FNDC9: variants seen among roughly 807,000 people sequenced by gnomAD.
The protein encoded by FNDC9 is fibronectin type III domain-containing protein 9.
Under a neutral mutation model 9.0 loss-of-function variants are expected in FNDC9, and 3 were observed. The observed-to-expected ratio is 0.33, with a 90% CI of 0.15 to 0.86. FNDC9 has a LOEUF of 0.86. FNDC9 is among the 40% of genes least tolerant of loss of function. FNDC9 has a pLI of 0.53. For synonymous variants in FNDC9, 114 were observed against 115.6 expected (o/e 0.99, Z 0.09); for missense variants, 279 against 287.2 (o/e 0.97, Z 0.21).
chr5:157,344,712 C>G (rs554202881), intron 1 of FNDC9, among the ~76,000 whole-genome samples: 1 of 152,210 alleles, frequency 6.6e-6, no homozygotes, highest in Non-Finnish European at 1.5e-5. Flanking sequence ...CTTTGTCTTC[C>G]GCCTCTCCTC....
Position 157,343,597 on chromosome 5 carries a change from A to T in FNDC9, c.-7-54T>A, listed in dbSNP as rs1762461240. Reference sequence around the variant, plus strand: ...CATCCCCTGATTTAAGTATGTATTTATCATAATCATAGCCACCATTTATTG... The same window carrying T: ...CATCCCCTGATTTAAGTATGTATTTTTCATAATCATAGCCACCATTTATTG... On this transcript the variant is annotated intron_variant, in intron 1 of 1. Transcript: ENST00000312349. The T allele has an allele frequency of 4.5e-6, 6 of 1,346,378 alleles. No individual in the cohort carries two copies. In the South Asian group the frequency reaches 8.7e-5, roughly 20 times the overall value. 83.4% of individuals were successfully genotyped at this position (1,346,378 alleles called of 1,614,324 possible).
intron 1 of FNDC9, among the ~76,000 whole-genome samples, chr5:157,344,465 G>A (rs776476974): frequency 3.3e-5 from 5 of 152,172 alleles, no homozygotes; most frequent in Non-Finnish European, 7.3e-5. Flanking sequence ...CAAGGCTGCC[G>A]GGTTTAGTTA....
chr5:157,344,486 C>T (rs1264968300), intron 1 of FNDC9, among the ~76,000 whole-genome samples: 1 of 152,174 alleles, frequency 6.6e-6, no homozygotes, highest in South Asian at 2.1e-4. Flanking sequence ...CAGACGTTAT[C>T]GCAAAATGAG....
In FNDC9 at chr5:157,343,089, C is replaced by T; in HGVS notation, c.448G>A (p.Gly150Ser). Residue 150 changes from glycine (G) to serine (S), a missense_variant, in exon 2 of 2, where the codon GGC becomes AGC. Transcript: ENST00000312349. ...AACCCATTGGCCTCCTCCATGTGGC[C>T]AGCCCTGTAAGACCATCGCGGCTCA... The part of the protein sequence containing the change: ...CHEPRWSYRA[G>S]HMEEANGLVR... 2 of 1,614,210 alleles carry T rather than the reference C, an allele frequency of 1.2e-6. No homozygotes were observed. The highest frequency in any genetic ancestry group is 1.7e-6 in the Non-Finnish European group (2 of 1,180,012).
Position 157,342,681 on chromosome 5 carries a change from T to C in FNDC9, c.*181A>G. The C allele has an allele frequency of 1.7e-6, 1 of 601,548 alleles. No homozygotes were observed. Among genetic ancestry groups the C allele is most frequent in the Admixed American group, 3.1e-5 (1 of 31,908 alleles). The allele number at this position is 601,548 out of a possible 1,614,324, so 37.3% of individuals were successfully genotyped here. On this transcript the variant is annotated 3_prime_UTR_variant, in exon 2 of 2. Coordinates refer to ENST00000312349, the MANE Select transcript of FNDC9 (RefSeq NM_001001343.4). ...GCCTCGTTTGTGCCTTGGCATACCCTGGGGGATACATTTTCCAGCTTGAGA... is the reference window on the plus strand; with the variant it reads ...GCCTCGTTTGTGCCTTGGCATACCCCGGGGGATACATTTTCCAGCTTGAGA...
chr5:157,343,376 A>G lies in FNDC9; in HGVS notation c.161T>C (p.Val54Ala), dbSNP rs1762436571. 6.2e-7 allele frequency: 1 copy of G among 1,614,062 alleles called. No individual in the cohort carries two copies. The highest frequency in any genetic ancestry group is 1.3e-5 in the African/African-American group (1 of 74,924). ...CACCACGGAGCTGATCGTTCGAGGC[A>G]CCTTCTCCTCGTGGTGGAAGCTGTA... ...LRYSFHHEEK[V>A]PRTISSVVLE... Residue 54 changes from valine to alanine, a missense_variant, in exon 2 of 2, where the codon GTG (valine) becomes GCG (alanine). By Grantham distance (64) the Val-to-Ala change is moderately conservative (BLOSUM62 0). Transcript: ENST00000312349.
chr5:157,343,265 A>G lies in FNDC9; in HGVS notation c.272T>C (p.Met91Thr), dbSNP rs36021229. ...CGGACTCTTATCCAGGGTGTGGAACATGGTGCAGTAGTGCCTGTAAGGGAA... is the reference window on the plus strand; with the variant it reads ...CGGACTCTTATCCAGGGTGTGGAACGTGGTGCAGTAGTGCCTGTAAGGGAA... ...AAFPYRHYCT[M>T]FHTLDKSPLA... Residue 91 changes from methionine (M) to threonine (T), a missense_variant, in exon 2 of 2, where the codon ATG becomes ACG. Transcript: ENST00000312349. 6.2e-7 allele frequency: 1 copy of G among 1,614,190 alleles called. No individual in the cohort carries two copies. The highest frequency in any genetic ancestry group is 8.5e-7 in the Non-Finnish European group (1 of 1,180,008).
chr5:157,343,291 G>A lies in FNDC9; in HGVS notation c.246C>T (p.Ala82=), dbSNP rs981733231. The A allele has an allele frequency of 7.4e-6, 12 of 1,614,100 alleles. No individual in the cohort carries two copies. Among genetic ancestry groups the A allele is most frequent in the Non-Finnish European group, 1.0e-5 (12 of 1,180,046 alleles). Residue 82 remains alanine (A), a synonymous_variant, in exon 2 of 2, where the codon GCC becomes GCT. Transcript: ENST00000312349. ...TGGTGCAGTAGTGCCTGTAAGGGAA[G>A]GCAGCCTTCTTACAGCTGATGCACA... The part of the protein sequence containing the change: ...YFLCISCKKA[A]FPYRHYCTMF...
rs771986507 is a variant in FNDC9 at position 157,343,157 on chromosome 5, A to T, written c.380T>A (p.Val127Asp). Residue 127 changes from valine to aspartate, a missense_variant, in exon 2 of 2, where the codon GTC becomes GAC. Val to Asp is a radical substitution (Grantham distance 152). Transcript: ENST00000312349. ...GAACTGGAGGCAGATGAAGGCCAAGACGGCTGTGAAGCAGGCCAGCAGAAT... is the reference window on the plus strand; with the variant it reads ...GAACTGGAGGCAGATGAAGGCCAAGTCGGCTGTGAAGCAGGCCAGCAGAAT... ...MAILLACFTA[V>D]LAFICLQFWC... The T allele has an allele frequency of 3.1e-6, 5 of 1,614,214 alleles. No individual in the cohort carries two copies. The highest frequency in any genetic ancestry group is 4.2e-6 in the Non-Finnish European group (5 of 1,180,024).
chr5:157,342,778 G>A lies in FNDC9; in HGVS notation c.*84C>T, dbSNP rs1762365690. 3.0e-6 allele frequency: 4 copies of A among 1,319,940 alleles called. No individual in the cohort carries two copies. Among genetic ancestry groups the A allele is most frequent in the Middle Eastern group, 2.6e-4 (1 of 3,844 alleles). The allele number at this position is 1,319,940 out of a possible 1,614,324, so 81.8% of individuals were successfully genotyped here. A position where few individuals can be genotyped will look rare whatever the true frequency, so the allele number is the denominator to read the frequency against. On this transcript the variant is annotated 3_prime_UTR_variant, in exon 2 of 2. Transcript: ENST00000312349. ...AGTGACGTTTGATGGGAGAGAAATG[G>A]GTAGTCTATAGACACATTTGTACAA...
intron 1 of FNDC9, 43 bp from the exon 2 acceptor site, chr5:157,343,586 A>C: frequency 7.0e-7 from 1 of 1,438,330 alleles, no homozygotes; most frequent in Non-Finnish European, 9.4e-7. Context: ...CCCTGATTTA[A>C]GTATGTATTT....
rs141743285 is a variant in FNDC9, at chr5:157,343,006, C to T, written c.531G>A (p.Gly177=). Residue 177 remains glycine, a synonymous_variant, in exon 2 of 2, where the codon GGG becomes GGA. Coordinates refer to ENST00000312349, the MANE Select transcript of FNDC9 (RefSeq NM_001001343.4). ...DLGQREEDLQ[G]LPLVEMPRKN... is the part of the protein sequence containing the mutation. The stretch of plus-strand genomic sequence containing the variant: ...TGCGTGGCATTTCCACCAGGGGGAG[C>T]CCCTGCAGGTCTTCCTCCCTCTGAC... The T allele has an allele frequency of 7.4e-5, 120 of 1,614,196 alleles. 2 individuals are homozygous for T. The highest frequency in any genetic ancestry group is 7.4e-4 in the South Asian group (67 of 91,086).
chr5:157,342,813 T>C lies in FNDC9; in HGVS notation c.*49A>G. 1 of 1,537,434 alleles carries C rather than the reference T, an allele frequency of 6.5e-7. No homozygotes were observed. The highest frequency in any genetic ancestry group is 8.8e-7 in the Non-Finnish European group (1 of 1,137,334). On this transcript the variant is annotated 3_prime_UTR_variant, in exon 2 of 2. Transcript: ENST00000312349. ...AGACACATTTGTACAAACGACCTAC[T>C]GTGTGGAAAGCTTTAGGCTACATGA...
At chr5:157,344,258 A>G (rs915089329) in intron 1 of FNDC9, among the ~76,000 whole-genome samples, 4 of 152,214 alleles carry the variant, frequency 2.6e-5, no homozygotes, top group African/African-American at 2.4e-5. Flanking sequence ...AATGTTAATC[A>G]TGGTAATAAC....
At position 157,343,169 on chromosome 5, in the gene FNDC9, C is replaced by G; in HGVS notation, c.368G>C (p.Cys123Ser). The G allele has an allele frequency of 6.2e-7, 1 of 1,614,232 alleles. No individual in the cohort carries two copies. Among genetic ancestry groups the G allele is most frequent in the Non-Finnish European group, 8.5e-7 (1 of 1,180,038 alleles). The change falls in exon 2 of 2, where the codon TGC becomes TCC. Residue 123 changes from cysteine to serine, a missense_variant. Coordinates refer to ENST00000312349, the MANE Select transcript of FNDC9 (RefSeq NM_001001343.4). Reference protein sequence around the residue: ...LWVLMAILLACFTAVLAFICL... With the variant: ...LWVLMAILLASFTAVLAFICL... ...GATGAAGGCCAAGACGGCTGTGAAG[C>G]AGGCCAGCAGAATGGCCATCAGCAC...
Position 157,343,409 on chromosome 5 carries a change from T to C in FNDC9, c.128A>G (p.Tyr43Cys). 1 of 1,614,164 alleles carries C rather than the reference T, an allele frequency of 6.2e-7. No homozygotes were observed. Among genetic ancestry groups the C allele is most frequent in the Non-Finnish European group, 8.5e-7 (1 of 1,180,024 alleles). The change falls in exon 2 of 2, where the codon TAT becomes TGT. Residue 43 changes from tyrosine (Y) to cysteine (C), a missense_variant. Coordinates refer to ENST00000312349, the MANE Select transcript of FNDC9 (RefSeq NM_001001343.4). ...RPNWNSIFSGYLRYSFHHEEK... is the reference protein window; with the variant it reads ...RPNWNSIFSGCLRYSFHHEEK... Reference sequence around the variant, plus strand: ...CTCGTGGTGGAAGCTGTAGCGAAGATAGCCAGAGAAGATGCTGTTCCAGTT... The same window carrying C: ...CTCGTGGTGGAAGCTGTAGCGAAGACAGCCAGAGAAGATGCTGTTCCAGTT...
chr5:157,341,840 G>A lies in FNDC9; in HGVS notation c.*1022C>T, dbSNP rs1332759264. On this transcript the variant is annotated 3_prime_UTR_variant, in exon 2 of 2. Transcript: ENST00000312349. ...TCTTGGATGATGCTTGGAGAGTACA[G>A]GCGTCTTCTCCAGAACAGCCTGCCT... 2 of 152,298 alleles carry A rather than the reference G, an allele frequency of 1.3e-5. No homozygotes were observed. 9.4% of individuals were successfully genotyped at this position (152,298 alleles called of 1,614,324 possible).
chr5:157,343,321 G>T lies in FNDC9; in HGVS notation c.216C>A (p.Tyr72Ter). The change falls in exon 2 of 2, where the codon TAC (tyrosine) becomes TAA (stop). Residue 72 changes from tyrosine to a stop codon, truncating the protein, a stop_gained. Transcript: ENST00000312349. LOFTEE classifies it high-confidence loss of function. ...CCTTCTTACAGCTGATGCACAGGAAGTAGAGAGTGGAAGGGGCAAGATGTT... is the reference window on the plus strand; with the variant it reads ...CCTTCTTACAGCTGATGCACAGGAATTAGAGAGTGGAAGGGGCAAGATGTT... ...VLEHLAPSTL[Y>*]FLCISCKKAA... 1 of 1,614,228 alleles carries T rather than the reference G, an allele frequency of 6.2e-7. No individual in the cohort carries two copies. Among genetic ancestry groups the T allele is most frequent in the Non-Finnish European group, 8.5e-7 (1 of 1,180,040 alleles).
At position 157,342,360 on chromosome 5, in the gene FNDC9, T is replaced by C. The variant is rs1407734619; in HGVS notation, c.*502A>G. ...AAAAATAGAGAGCGGTGGTATGTGA[T>C]TGCCTAAAAGTTGGAAAACACTCCA... On this transcript the variant is annotated 3_prime_UTR_variant, in exon 2 of 2. Transcript: ENST00000312349. 1 of 153,186 alleles carries C rather than the reference T, an allele frequency of 6.5e-6. No individual in the cohort carries two copies. The highest frequency in any genetic ancestry group is 6.5e-5 in the Admixed American group (1 of 15,330). 9.5% of individuals were successfully genotyped at this position (153,186 alleles called of 1,614,324 possible). A position where few individuals can be genotyped will look rare whatever the true frequency, so the allele number is the denominator to read the frequency against.
Sources: allele counts gnomAD v4.1 joint callset (sites outside exome capture counted in the v4.1 genomes callset), GRCh38; gene constraint gnomAD v4.1.1; transcripts MANE v1.5; gene names NCBI Gene and HGNC (gene_info 2026-07-23, HGNC 2026-07-21).